Variants in DLGAP2 observed in about 807,000 individuals in gnomAD.
The protein encoded by DLGAP2 is DLG associated protein 2, also known as disks large-associated protein 2.
Under a neutral mutation model 100.3 loss-of-function variants are expected in DLGAP2, and 26 were observed. The ratio of observed to expected loss-of-function variants is 0.26; its 90% CI spans 0.19 to 0.36. The LOEUF is 0.36. DLGAP2 is among the 10% of genes least tolerant of loss of function. The probability of loss-of-function intolerance (pLI) is 1.00; values close to 1 mark genes in which losing one functional copy is unlikely to be tolerated. For synonymous variants in DLGAP2, 886 were observed against 630.1 expected (o/e 1.41, Z -6.08); for missense variants, 1,858 against 1,453.2 (o/e 1.28, Z -4.53).
In DLGAP2 at chr8:1,015,238, C is replaced by T. The variant is rs796374722; in HGVS notation, c.73+107272C>T. ...GTGACCAGGACAGACGGTGCCTCCACTGTGTGTATGACCAGGACAGACGAC... is the reference window on the plus strand; with the variant it reads ...GTGACCAGGACAGACGGTGCCTCCATTGTGTGTATGACCAGGACAGACGAC... On this transcript the variant is annotated intron_variant, in intron 2 of 14. Transcript: ENST00000637795. Among the ~76,000 whole-genome samples the T allele has an allele frequency of 2.6e-3, 20 of 7,826 alleles. 5 individuals are homozygous for T. Among genetic ancestry groups the T allele is most frequent in the Admixed American group, 0.015 (11 of 738 alleles). 5.1% of individuals were successfully genotyped at this position (7,826 alleles called of 152,430 possible).
At position 1,164,322 on chromosome 8, in the gene DLGAP2, GGACA is replaced by G. The variant is rs796105923; in HGVS notation, c.74-94526_74-94523del. Among the ~76,000 whole-genome samples, 52 of 118,994 alleles carry G rather than the reference GGACA, an allele frequency of 4.4e-4. 1 individual carries two copies. Among genetic ancestry groups the G allele is most frequent in the African/African-American group, 7.1e-4 (26 of 36,852 alleles). The allele number at this position is 118,994 out of a possible 152,430, so 78.1% of individuals were successfully genotyped here. A position where few individuals can be genotyped will look rare whatever the true frequency, so the allele number is the denominator to read the frequency against. On this transcript the variant is annotated intron_variant, in intron 2 of 14. Coordinates refer to ENST00000637795, the MANE Select transcript of DLGAP2 (RefSeq NM_001346810.2). Reference sequence around the variant, plus strand: ...CCCCAGGGTTTGTTTTTGTTTGTGGGGACAGATTTTTCTGTGAGCCCGCAGGGCC... The same window carrying G: ...CCCCAGGGTTTGTTTTTGTTTGTGGGGATTTTTCTGTGAGCCCGCAGGGCC...
At chr8:1,602,480 T>C (rs964571830) in intron 6 of DLGAP2, among the ~76,000 whole-genome samples, 2 of 152,254 alleles carry the variant, frequency 1.3e-5, no homozygotes, top group African/African-American at 4.8e-5. Context: ...TGCAGCCATG[T>C]TGCCCAGAGC....
At chr8:1,390,823 G>A (rs750549170) in intron 3 of DLGAP2, among the ~76,000 whole-genome samples, 1 of 152,216 alleles carries the variant, frequency 6.6e-6, no homozygotes, top group Non-Finnish European at 1.5e-5. Context: ...CGAGCCCATA[G>A]CGAATGCAAA....
chr8:1,509,635 C>G (rs571414419), intron 4 of DLGAP2, among the ~76,000 whole-genome samples: 1 of 151,926 alleles, frequency 6.6e-6, no homozygotes, highest in African/African-American at 2.4e-5. Context: ...GCAAAGCCTC[C>G]GCACATACAC....
chr8:1,587,864 C>T (rs1272686460), intron 6 of DLGAP2, among the ~76,000 whole-genome samples: 3 of 151,986 alleles, frequency 2.0e-5, no homozygotes, highest in Non-Finnish European at 4.4e-5. Flanking sequence ...TATATGAAGT[C>T]TTAACTTTCC....
In DLGAP2 at chr8:1,667,485, C is replaced by A. The variant is rs533043807; in HGVS notation, c.1811-844C>A. ...GAGCTGGCCCCTTTCCGGTGGTCTT[C>A]CTACAACTTAAACCTATGGAGCCTG... On this transcript the variant is annotated intron_variant, in intron 8 of 14. Coordinates refer to ENST00000637795, the MANE Select transcript of DLGAP2 (RefSeq NM_001346810.2). Among the ~76,000 whole-genome samples, 5 of 152,260 alleles carry A rather than the reference C, an allele frequency of 3.3e-5. No homozygotes were observed. In the South Asian group the frequency reaches 1.0e-3, roughly 32 times the overall value.
chr8:904,039 G>T (rs1431291352), intron 1 of DLGAP2, among the ~76,000 whole-genome samples: 1 of 152,240 alleles, frequency 6.6e-6, no homozygotes. Context: ...AGTGGACAGA[G>T]AGGACGCTGG....
intron 3 of DLGAP2, among the ~76,000 whole-genome samples, chr8:1,263,830 C>T (rs1799399138): frequency 6.6e-6 from 1 of 152,146 alleles, no homozygotes; most frequent in Non-Finnish European, 1.5e-5. Context: ...TCTGAGACCA[C>T]AGCTCTTTAA....
chr8:1,235,549 G>A lies in DLGAP2; in HGVS notation c.74-23302G>A, dbSNP rs866368110. On this transcript the variant is annotated intron_variant, in intron 2 of 14. Coordinates refer to ENST00000637795, the MANE Select transcript of DLGAP2 (RefSeq NM_001346810.2). ...AGCATCATGTCTAGTTCTCTCACAT[G>A]GCGCCATGTCTAGTTCTCTCACATG... Among the ~76,000 whole-genome samples, 7 of 13,042 alleles carry A rather than the reference G, an allele frequency of 5.4e-4. 1 individual carries two copies. Among genetic ancestry groups the A allele is most frequent in the Middle Eastern group, 0.1 (1 of 10 alleles). 8.6% of individuals were successfully genotyped at this position (13,042 alleles called of 152,430 possible). A position where few individuals can be genotyped will look rare whatever the true frequency, so the allele number is the denominator to read the frequency against.
At chr8:841,273 C>T (rs1484576360) in intron 1 of DLGAP2, among the ~76,000 whole-genome samples, 4 of 152,124 alleles carry the variant, frequency 2.6e-5, no homozygotes, top group African/African-American at 7.2e-5. Context: ...TCATGCATGG[C>T]GCACGTTTGG....
At chr8:789,382 A>C (rs1194233103) in intron 1 of DLGAP2, among the ~76,000 whole-genome samples, 1 of 152,122 alleles carries the variant, frequency 6.6e-6, no homozygotes, top group Non-Finnish European at 1.5e-5. Context: ...GGTGCTACAC[A>C]CTTTTAAACT....
chr8:1,309,040 G>A lies in DLGAP2; in HGVS notation c.106+50157G>A, dbSNP rs190748967. On this transcript the variant is annotated intron_variant, in intron 3 of 14. Coordinates refer to ENST00000637795, the MANE Select transcript of DLGAP2 (RefSeq NM_001346810.2). ...GTCTACAGTTAAATATGGTACAGAT[G>A]ACATTGTGGAGCCTGAGGAGCAGAA... 1.1e-3 allele frequency among the ~76,000 whole-genome samples: 161 copies of A among 152,262 alleles called. 1 individual carries two copies. The South Asian group carries it at 0.023, about 22-fold the overall frequency.
At position 1,693,362 on chromosome 8, in the gene DLGAP2, T is replaced by C. The variant is rs149409409; in HGVS notation, c.2796+1736T>C. ...TATACATGTTAATATATTTTATATA[T>C]ACTATATATTTGCCTACACACATAC... On this transcript the variant is annotated intron_variant, in intron 13 of 14. Coordinates refer to ENST00000637795, the MANE Select transcript of DLGAP2 (RefSeq NM_001346810.2). Among the ~76,000 whole-genome samples, 854 of 150,910 alleles carry C rather than the reference T, an allele frequency of 5.7e-3. 12 individuals are homozygous for C. The highest frequency in any genetic ancestry group is 0.02 in the African/African-American group (807 of 41,278).
intron 4 of DLGAP2, among the ~76,000 whole-genome samples, chr8:1,503,592 C>T (rs1477456965): frequency 6.6e-6 from 1 of 152,064 alleles, no homozygotes; most frequent in Non-Finnish European, 1.5e-5. Context: ...GCAGCTCTCT[C>T]TCCACGTCAC....
At chr8:1,337,768 T>C (rs566411041) in intron 3 of DLGAP2, among the ~76,000 whole-genome samples, 2 of 152,194 alleles carry the variant, frequency 1.3e-5, no homozygotes, top group Admixed American at 6.5e-5. Context: ...ACCGATAAAA[T>C]GGTAGAAAAT....
chr8:1,449,874 G>T (rs374482003), intron 3 of DLGAP2, among the ~76,000 whole-genome samples: 27 of 139,814 alleles, frequency 1.9e-4, no homozygotes, highest in Admixed American at 3.7e-4. Context: ...GAGGTGGGCG[G>T]CCTCGGTGGC....
intron 12 of DLGAP2, among the ~76,000 whole-genome samples, chr8:1,683,856 A>ATG (rs10583520): frequency 0.024 from 1,523 of 62,192 alleles, 97 homozygotes; most frequent in Middle Eastern, 0.043. Context: ...ATATATATAT[A>ATG]TGTGTGTGTG....
chr8:862,385 C>G (rs373950093), intron 1 of DLGAP2, among the ~76,000 whole-genome samples: 4 of 151,956 alleles, frequency 2.6e-5, no homozygotes, highest in African/African-American at 9.7e-5. Flanking sequence ...TCACTGCGGC[C>G]TCCGCCTTCC....
intron 8 of DLGAP2, among the ~76,000 whole-genome samples, chr8:1,649,190 T>A (rs939829491): frequency 6.6e-6 from 1 of 152,218 alleles, no homozygotes; most frequent in Non-Finnish European, 1.5e-5. Context: ...ATCAAAAATA[T>A]TTTTAAACTG....
Sources: gnomAD v4.1 joint callset for allele counts (sites outside exome capture counted in the v4.1 genomes callset) on GRCh38, gnomAD v4.1.1 for gene constraint, MANE v1.5 for transcripts, NCBI Gene and HGNC (gene_info 2026-07-23, HGNC 2026-07-21) for gene names.